SLC44A5: variants seen among roughly 807,000 people sequenced by gnomAD.
SLC44A5 encodes the protein solute carrier family 44 member 5, also known as choline transporter-like protein 5.
SLC44A5 carries 57 observed loss-of-function variants against 101.8 expected under a neutral mutation model. That is an observed-to-expected ratio of 0.56 (90% CI 0.45 to 0.70). SLC44A5 has a LOEUF of 0.70. SLC44A5 is among the 30% of genes least tolerant of loss of function. The pLI is 0.00. For synonymous variants in SLC44A5, 281 were observed against 290.9 expected, an observed-to-expected ratio of 0.97 and a Z score of 0.35; for missense variants, 737 against 853.1, an observed-to-expected ratio of 0.86 and a Z score of 1.70.
intron 6 of SLC44A5, among the ~76,000 whole-genome samples, chr1:75,258,316 C>A (rs753419969): frequency 4.6e-5 from 7 of 152,108 alleles, no homozygotes; most frequent in African/African-American, 9.7e-5. Flanking sequence ...TTGAGCACAG[C>A]AGTCTGAGCT....
At chr1:75,356,269 A>G (rs925180393) in intron 3 of SLC44A5, among the ~76,000 whole-genome samples, 4 of 150,924 alleles carry the variant, frequency 2.7e-5, no homozygotes, top group African/African-American at 9.7e-5. Context: ...AGCATAGGAG[A>G]TGACAGCTCC....
At chr1:75,354,660 C>A (rs749383396) in intron 3 of SLC44A5, among the ~76,000 whole-genome samples, 2 of 152,150 alleles carry the variant, frequency 1.3e-5, no homozygotes, top group African/African-American at 2.4e-5. Context: ...GTCACCCCCA[C>A]GACCTGGTGT....
intron 7 of SLC44A5, among the ~76,000 whole-genome samples, chr1:75,245,717 T>A (rs1649047454): frequency 6.6e-6 from 1 of 152,102 alleles, no homozygotes; most frequent in South Asian, 2.1e-4. Context: ...ATTAAAATAG[T>A]AAAACGTAGT....
At chr1:75,500,111 C>T (rs1396792767) in intron 2 of SLC44A5, among the ~76,000 whole-genome samples, 1 of 152,142 alleles carries the variant, frequency 6.6e-6, no homozygotes, top group Admixed American at 6.6e-5. Context: ...TTCTACCATC[C>T]CTAACACACA....
chr1:75,530,608 TG>T (rs779953671), intron 2 of SLC44A5, among the ~76,000 whole-genome samples: 9 of 152,188 alleles, frequency 5.9e-5, no homozygotes, highest in Non-Finnish European at 1.2e-4. Context: ...ACAGATGTTG[TG>T]TCTCTTAATA....
intron 3 of SLC44A5, among the ~76,000 whole-genome samples, chr1:75,362,845 C>T (rs966664982): frequency 1.3e-5 from 2 of 152,026 alleles, no homozygotes; most frequent in African/African-American, 4.8e-5. Context: ...TATAAGTCCA[C>T]GCGAGTATAA....
At chr1:75,482,659 A>G (rs900182614) in intron 2 of SLC44A5, among the ~76,000 whole-genome samples, 1 of 152,146 alleles carries the variant, frequency 6.6e-6, no homozygotes, top group Non-Finnish European at 1.5e-5. Context: ...TCTAATACAA[A>G]TCTTCTATTT....
At chr1:75,380,193 AGTAGATTTAT>A (rs1215179077) in intron 3 of SLC44A5, among the ~76,000 whole-genome samples, 2 of 81,548 alleles carry the variant, frequency 2.5e-5, no homozygotes, top group Non-Finnish European at 4.2e-5. Context: ...GCAGTGCAGC[AGTAGATTTAT>A]GTACTATACA....
chr1:75,574,405 T>C (rs1673254179), intron 1 of SLC44A5, among the ~76,000 whole-genome samples: 1 of 152,234 alleles, frequency 6.6e-6, no homozygotes, highest in South Asian at 2.1e-4. Context: ...ATTTGGGATG[T>C]TATCTTCTGT....
the SLC44A5 span, among the ~76,000 whole-genome samples, chr1:75,690,449 T>G: frequency 3.5e-4 from 53 of 152,152 alleles, no homozygotes; most frequent in Non-Finnish European, 4.4e-4. Flanking sequence ...CCAAACTATA[T>G]CAGATGGAAA....
rs760290523 is a variant in SLC44A5 at position 75,215,811 on chromosome 1, G to A, written c.1671C>T (p.Cys557=). Residue 557 remains cysteine, a synonymous_variant, in exon 19 of 24, where the codon TGC becomes TGT. Coordinates refer to ENST00000370859, the MANE Select transcript of SLC44A5 (RefSeq NM_001130058.2). The stretch of plus-strand genomic sequence containing the variant: ...TTGCATTTTCCAAACACCAGAAGCA[G>A]CATCTCAGGCAGCATTGTAGGAATT... ...LSKFLQCCLR[C]CFWCLENAIK... is the part of the protein sequence containing the mutation. 4.5e-5 allele frequency: 72 copies of A among 1,608,878 alleles called. 1 individual carries two copies. In the South Asian group the frequency reaches 7.4e-4, roughly 16 times the overall value.
chr1:75,497,590 C>T (rs1012813895), intron 2 of SLC44A5, among the ~76,000 whole-genome samples: 5 of 151,766 alleles, frequency 3.3e-5, no homozygotes, highest in Non-Finnish European at 5.9e-5. Flanking sequence ...TTAATAGTAC[C>T]GTAAGACATA....
At chr1:75,614,759 A>G (rs1570748352), upstream of SLC44A5, among the ~76,000 whole-genome samples, 2 of 152,216 alleles carry the variant, frequency 1.3e-5, no homozygotes, top group Non-Finnish European at 1.5e-5. Context: ...CATTGTGTTG[A>G]AATCCAACTT....
Position 75,400,140 on chromosome 1 carries a change from T to C in SLC44A5, c.14-3519A>G, listed in dbSNP as rs143425480. Among the ~76,000 whole-genome samples the C allele has an allele frequency of 4.6e-3, 700 of 152,192 alleles. 6 individuals are homozygous for C. The highest frequency in any genetic ancestry group is 0.016 in the African/African-American group (673 of 41,518). On this transcript the variant is annotated intron_variant, in intron 2 of 23. Coordinates refer to ENST00000370859, the MANE Select transcript of SLC44A5 (RefSeq NM_001130058.2). ...AAGTGGGAGCTAAACCAAGGGAATATGTAGACATAAAGATGAAAACAATAG... is the reference window on the plus strand; with the variant it reads ...AAGTGGGAGCTAAACCAAGGGAATACGTAGACATAAAGATGAAAACAATAG...
chr1:75,227,647 C>T, intron 13 of SLC44A5, 79 bp downstream of exon 13: 1 of 1,220,848 alleles, frequency 8.2e-7, no homozygotes, highest in South Asian at 1.8e-5. Context: ...CAGGTTATAC[C>T]AACCCAAGTT....
chr1:75,282,607 G>T (rs1000438721), intron 5 of SLC44A5, among the ~76,000 whole-genome samples: 10 of 152,124 alleles, frequency 6.6e-5, no homozygotes, highest in African/African-American at 2.4e-4. Context: ...ATCCCCACGT[G>T]TTGGGAGTGG....
intron 3 of SLC44A5, among the ~76,000 whole-genome samples, chr1:75,343,312 G>A (rs2101043330): frequency 6.6e-6 from 1 of 152,192 alleles, no homozygotes; most frequent in Admixed American, 6.5e-5. Context: ...AGTTGGTATT[G>A]CAGCCATACA....
At chr1:75,340,970 A>G (rs967935499) in intron 3 of SLC44A5, among the ~76,000 whole-genome samples, 1 of 152,222 alleles carries the variant, frequency 6.6e-6, no homozygotes, top group Non-Finnish European at 1.5e-5. Flanking sequence ...TTCATGAGAT[A>G]CCTTATAGTC....
At chr1:75,567,696 G>C (rs1343449206) in intron 1 of SLC44A5, among the ~76,000 whole-genome samples, 1 of 152,104 alleles carries the variant, frequency 6.6e-6, no homozygotes, top group African/African-American at 2.4e-5. Context: ...TAAAGCAAAT[G>C]CTTAAGATTT....
Sources: gnomAD v4.1 joint callset for allele counts (sites outside exome capture counted in the v4.1 genomes callset) on GRCh38, gnomAD v4.1.1 for gene constraint, MANE v1.5 for transcripts, NCBI Gene and HGNC (gene_info 2026-07-23, HGNC 2026-07-21) for gene names.